The following MECOM variants were observed in gnomAD, a reference collection of about 807,000 sequenced individuals.
MECOM encodes the protein MDS1 and EVI1 complex locus, also known as histone-lysine N-methyltransferase MECOM.
In MECOM, 13 loss-of-function variants were observed where a neutral mutation model predicts 116.3. The ratio of observed to expected loss-of-function variants is 0.11; its 90% CI spans 0.07 to 0.18. The LOEUF is 0.18. Ranked by LOEUF, MECOM falls within the 10% of genes least tolerant of loss-of-function variation. MECOM has a pLI of 1.00. For synonymous variants in MECOM, 528 were observed against 535.2 expected, an observed-to-expected ratio of 0.99 and a Z score of 0.19; for missense variants, 1,299 against 1,509.0, an observed-to-expected ratio of 0.86 and a Z score of 2.31.
chr3:169,099,138 G>A (rs1722726710), intron 12 of MECOM, among the ~76,000 whole-genome samples: 1 of 150,588 alleles, frequency 6.6e-6, no homozygotes. Context: ...AAACCCAGAG[G>A]GGCTGGACAA....
chr3:169,529,613 A>T (rs1758353851), intron 1 of MECOM, among the ~76,000 whole-genome samples: 1 of 152,220 alleles, frequency 6.6e-6, no homozygotes, highest in Non-Finnish European at 1.5e-5. Context: ...AGATCTAAGA[A>T]CAATTCCAAA....
At chr3:169,100,392 C>A (rs755916874) in intron 12 of MECOM, among the ~76,000 whole-genome samples, 6 of 152,148 alleles carry the variant, frequency 3.9e-5, no homozygotes, top group Non-Finnish European at 8.8e-5. Flanking sequence ...AGCCACCATG[C>A]CCAGCCTAAA....
intron 1 of MECOM, among the ~76,000 whole-genome samples, chr3:169,408,229 G>T (rs1737002578): frequency 6.6e-6 from 1 of 152,194 alleles, no homozygotes; most frequent in African/African-American, 2.4e-5. Context: ...GGCCAAGCAT[G>T]CCATGAAATG....
At chr3:169,602,344 CAAG>C (rs1349021705) in intron 1 of MECOM, among the ~76,000 whole-genome samples, 3 of 152,128 alleles carry the variant, frequency 2.0e-5, no homozygotes, top group Non-Finnish European at 2.9e-5. Flanking sequence ...GGAAATAATA[CAAG>C]AAGAGAGGCT....
intron 1 of MECOM, among the ~76,000 whole-genome samples, chr3:169,517,505 G>A (rs912237635): frequency 6.6e-6 from 1 of 152,192 alleles, no homozygotes; most frequent in Non-Finnish European, 1.5e-5. Context: ...ATAAGAGGGA[G>A]CAGGGAAGGA....
At chr3:169,656,168 A>T (rs1266891116) in intron 1 of MECOM, among the ~76,000 whole-genome samples, 1 of 152,238 alleles carries the variant, frequency 6.6e-6, no homozygotes, top group East Asian at 1.9e-4. Flanking sequence ...AAGCACTTTC[A>T]TTCATAAATG....
intron 1 of MECOM, among the ~76,000 whole-genome samples, chr3:169,609,282 C>T (rs575144169): frequency 2.6e-5 from 4 of 152,028 alleles, no homozygotes; most frequent in African/African-American, 4.8e-5. Context: ...ACTTGAGGGG[C>T]CTTTTTTTTG....
intron 1 of MECOM, among the ~76,000 whole-genome samples, chr3:169,421,017 T>C (rs923262985): frequency 3.9e-5 from 6 of 152,120 alleles, no homozygotes; most frequent in Non-Finnish European, 1.5e-5. Flanking sequence ...ATGATGACAG[T>C]GTACTGTATT....
intron 2 of MECOM, chr3:169,146,372 G>A: frequency 7.3e-7 from 1 of 1,377,744 alleles, no homozygotes; most frequent in Non-Finnish European, 9.6e-7. Context: ...TTTGGCAACC[G>A]CACCTTGTGC....
chr3:169,110,114 T>G (rs1726842675), intron 9 of MECOM, among the ~76,000 whole-genome samples: 1 of 152,230 alleles, frequency 6.6e-6, no homozygotes, highest in Non-Finnish European at 1.5e-5. Flanking sequence ...AACAGTTTTA[T>G]GCAAGCACAT....
intron 2 of MECOM, among the ~76,000 whole-genome samples, chr3:169,176,181 G>T (rs1426727454): frequency 6.6e-6 from 1 of 151,432 alleles, no homozygotes; most frequent in East Asian, 1.9e-4. Flanking sequence ...AAGAAAGTTT[G>T]CTAATTTCTG....
At chr3:169,421,033 T>C (rs1189767781) in intron 1 of MECOM, among the ~76,000 whole-genome samples, 1 of 152,104 alleles carries the variant, frequency 6.6e-6, no homozygotes, top group Non-Finnish European at 1.5e-5. Context: ...GTATTTTTCT[T>C]GTAACTACAT....
At chr3:169,505,349 C>A (rs995709885) in intron 1 of MECOM, among the ~76,000 whole-genome samples, 2 of 150,266 alleles carry the variant, frequency 1.3e-5, no homozygotes, top group African/African-American at 4.9e-5. Context: ...TATGCCCTTA[C>A]CAAAGGCATA....
chr3:169,364,237 T>C (rs750544735), intron 2 of MECOM, among the ~76,000 whole-genome samples: 1 of 151,868 alleles, frequency 6.6e-6, no homozygotes, highest in Non-Finnish European at 1.5e-5. Flanking sequence ...TTAAAACACA[T>C]AGAAAGAAGT....
At chr3:169,419,719 C>T (rs1405252379) in intron 1 of MECOM, among the ~76,000 whole-genome samples, 4 of 152,174 alleles carry the variant, frequency 2.6e-5, no homozygotes, top group Non-Finnish European at 5.9e-5. Flanking sequence ...ATGACTAAAA[C>T]ACCAAAAGCA....
At chr3:169,517,483 C>T (rs776050021) in intron 1 of MECOM, among the ~76,000 whole-genome samples, 2 of 152,172 alleles carry the variant, frequency 1.3e-5, no homozygotes, top group Non-Finnish European at 1.5e-5. Flanking sequence ...AAAGATATTG[C>T]TAGCTTGTCC....
chr3:169,449,777 C>A (rs909844826), intron 1 of MECOM, among the ~76,000 whole-genome samples: 8 of 152,100 alleles, frequency 5.3e-5, no homozygotes, highest in Non-Finnish European at 1.0e-4. Context: ...AAAAGAAATA[C>A]AATGAAACCA....
intron 2 of MECOM, among the ~76,000 whole-genome samples, chr3:169,292,839 A>T (rs192551663): frequency 6.6e-6 from 1 of 152,176 alleles, no homozygotes; most frequent in Non-Finnish European, 1.5e-5. Context: ...ATCTGGATCA[A>T]ATTATATTCA....
At chr3:169,117,620 T>C (rs1729591096) in intron 7 of MECOM, among the ~76,000 whole-genome samples, 1 of 152,228 alleles carries the variant, frequency 6.6e-6, no homozygotes, top group Non-Finnish European at 1.5e-5. Context: ...TATAGCCAAC[T>C]ATGCTCAGTA....
Sources: gnomAD v4.1 joint callset for allele counts (sites outside exome capture counted in the v4.1 genomes callset) on GRCh38, gnomAD v4.1.1 for gene constraint, MANE v1.5 for transcripts, NCBI Gene and HGNC (gene_info 2026-07-23, HGNC 2026-07-21) for gene names.